FGGY: variants seen among roughly 807,000 people sequenced by gnomAD.
FGGY encodes FGGY carbohydrate kinase domain containing.
FGGY carries 72 observed loss-of-function variants against 71.3 expected under a neutral mutation model. The ratio of observed to expected loss-of-function variants is 1.01; its 90% CI spans 0.84 to 1.23. FGGY has a LOEUF of 1.23. Among genes scored for constraint, FGGY ranks in the 50% most tolerant of loss-of-function variants. The pLI is 0.00. For missense variants in FGGY, 668 were observed against 682.3 expected (o/e 0.98, Z 0.23); for synonymous variants, 251 against 250.3 (o/e 1.00, Z -0.02).
chr1:59,745,328 T>C (rs1002001614), intron 14 of FGGY, among the ~76,000 whole-genome samples: 11 of 152,208 alleles, frequency 7.2e-5, no homozygotes, highest in African/African-American at 2.7e-4. Flanking sequence ...GATGGATAGA[T>C]TCCTTGCCTC....
At chr1:59,710,883 C>A (rs149374598) in intron 14 of FGGY, among the ~76,000 whole-genome samples, 1 of 152,074 alleles carries the variant, frequency 6.6e-6, no homozygotes, top group Admixed American at 6.6e-5. Context: ...GACAGTGTGG[C>A]GATTCCTCAA....
chr1:59,593,582 A>G (rs1264435404), intron 8 of FGGY, among the ~76,000 whole-genome samples: 1 of 152,202 alleles, frequency 6.6e-6, no homozygotes, highest in African/African-American at 2.4e-5. Context: ...TTCATCACAC[A>G]TATGCCAATC....
intron 6 of FGGY, among the ~76,000 whole-genome samples, chr1:59,465,585 C>T (rs953814250): frequency 1.3e-5 from 2 of 152,318 alleles, no homozygotes; most frequent in South Asian, 2.1e-4. Context: ...TTGCAGATGA[C>T]ATGATTGTAT....
chr1:59,331,152 G>T (rs186814581), intron 2 of FGGY, among the ~76,000 whole-genome samples: 4 of 152,084 alleles, frequency 2.6e-5, no homozygotes, highest in Non-Finnish European at 5.9e-5. Context: ...GAAGGCAGGC[G>T]TAACTGGACT....
chr1:59,564,248 C>T (rs1004937665), intron 8 of FGGY, among the ~76,000 whole-genome samples: 8 of 152,308 alleles, frequency 5.3e-5, no homozygotes, highest in African/African-American at 1.9e-4. Flanking sequence ...TCAGAGTGAA[C>T]GGGCAACCTA....
At chr1:59,638,200 T>TA in intron 10 of FGGY, 28 bp from the exon 11 acceptor site, 1 of 1,607,624 alleles carries the variant, frequency 6.2e-7, no homozygotes. Flanking sequence ...TATCCCCCCT[T>TA]TAAAAATAAA....
rs2153231420 is a variant in FGGY at position 59,361,393 on chromosome 1, A to T, written c.465+14995A>T. Among the ~76,000 whole-genome samples the T allele has an allele frequency of 1.3e-5, 2 of 152,202 alleles. 1 individual carries two copies. Among genetic ancestry groups the T allele is most frequent in the South Asian group, 4.1e-4 (2 of 4,820 alleles). On this transcript the variant is annotated intron_variant, in intron 4 of 15. Transcript: ENST00000303721. ...TAGAAATACAGCCCAGTTAGGATCG[A>T]GGGGCTCGGGGAGGTAATATGTAGG...
At chr1:59,574,691 G>A (rs985430602) in intron 8 of FGGY, among the ~76,000 whole-genome samples, 5 of 151,892 alleles carry the variant, frequency 3.3e-5, no homozygotes, top group African/African-American at 9.7e-5. Flanking sequence ...TCTGTTTAGT[G>A]ATTTTTCATT....
chr1:59,590,638 G>T (rs1208039153), intron 8 of FGGY, among the ~76,000 whole-genome samples: 1 of 152,040 alleles, frequency 6.6e-6, no homozygotes, highest in Non-Finnish European at 1.5e-5. Flanking sequence ...TTCAATATAG[G>T]CAAATCAATA....
intron 13 of FGGY, among the ~76,000 whole-genome samples, chr1:59,672,811 CTG>C (rs1276724465): frequency 6.6e-6 from 1 of 152,210 alleles, no homozygotes; most frequent in African/African-American, 2.4e-5. Context: ...AAGTTTACCT[CTG>C]TAAAGTTTGC....
intron 5 of FGGY, among the ~76,000 whole-genome samples, chr1:59,391,728 G>A (rs548872210): frequency 6.6e-6 from 1 of 152,130 alleles, no homozygotes; most frequent in African/African-American, 2.4e-5. Context: ...ATTTTATGTG[G>A]CTGAAAGATG....
intron 4 of FGGY, among the ~76,000 whole-genome samples, chr1:59,375,544 A>T (rs2058528339): frequency 6.6e-6 from 1 of 152,214 alleles, no homozygotes; most frequent in African/African-American, 2.4e-5. Context: ...TTGTTGAATT[A>T]CTAGACAAAC....
At chr1:59,491,057 T>TCTTTCTCTCCCTC (rs1318831232) in intron 6 of FGGY, among the ~76,000 whole-genome samples, 1 of 13,690 alleles carries the variant, frequency 7.3e-5, no homozygotes, top group African/African-American at 4.6e-4. Context: ...CTTCCTTCCT[T>TCTTTCTCTCCCTC]CCTTCCTTCC....
rs1558303304 is a variant in FGGY at position 59,546,525 on chromosome 1, TGATG to T, written c.800-7598_800-7595del. Among the ~76,000 whole-genome samples the T allele has an allele frequency of 1.7e-3, 169 of 100,798 alleles. 1 individual carries two copies. The highest frequency in any genetic ancestry group is 2.4e-3 in the Non-Finnish European group (117 of 48,478). 66.1% of individuals were successfully genotyped at this position (100,798 alleles called of 152,430 possible). A position where few individuals can be genotyped will look rare whatever the true frequency, so the allele number is the denominator to read the frequency against. ...ATGATGATGATGATGATGATGATGATGATGATGATGATTATTATTATTATTATTT... is the reference window on the plus strand; with the variant it reads ...ATGATGATGATGATGATGATGATGATATGATGATTATTATTATTATTATTT... On this transcript the variant is annotated intron_variant, in intron 7 of 15. Coordinates refer to ENST00000303721, the MANE Select transcript of FGGY (RefSeq NM_018291.5).
At chr1:59,667,516 A>C in intron 13 of FGGY, 113 bp downstream of exon 13, 5 of 1,280,676 alleles carry the variant, frequency 3.9e-6, no homozygotes, top group Non-Finnish European at 5.4e-6. Context: ...CCAGATTATT[A>C]GAATAATCCT....
At chr1:59,602,371 A>G (rs906686264) in intron 8 of FGGY, among the ~76,000 whole-genome samples, 11 of 152,250 alleles carry the variant, frequency 7.2e-5, no homozygotes, top group Non-Finnish European at 1.6e-4. Context: ...AGTCTGTAGC[A>G]TATGATAAAT....
At chr1:59,361,031 A>C (rs2055404914) in intron 4 of FGGY, among the ~76,000 whole-genome samples, 2 of 152,194 alleles carry the variant, frequency 1.3e-5, no homozygotes, top group African/African-American at 4.8e-5. Flanking sequence ...GGCCCCCCTG[A>C]GTAAATGCTT....
At chr1:59,376,355 C>A (rs1363068676) in intron 4 of FGGY, among the ~76,000 whole-genome samples, 1 of 152,180 alleles carries the variant, frequency 6.6e-6, no homozygotes, top group East Asian at 1.9e-4. Flanking sequence ...CAGCTTGATA[C>A]TTTGCCTTTT....
intron 13 of FGGY, among the ~76,000 whole-genome samples, chr1:59,669,224 T>C (rs2097353578): frequency 6.6e-6 from 1 of 152,148 alleles, no homozygotes; most frequent in Non-Finnish European, 1.5e-5. Flanking sequence ...AAACAGCCAG[T>C]ATGGGGCAGG....
Sources: gnomAD v4.1 joint callset for allele counts (sites outside exome capture counted in the v4.1 genomes callset) on GRCh38, gnomAD v4.1.1 for gene constraint, MANE v1.5 for transcripts, NCBI Gene and HGNC (gene_info 2026-07-23, HGNC 2026-07-21) for gene names.